Variants in LRRC53 observed in about 807,000 individuals in gnomAD.
LRRC53 encodes the protein leucine-rich repeat-containing protein 53.
In LRRC53, 25 loss-of-function variants were observed where a neutral mutation model predicts 13.6. The ratio of observed to expected loss-of-function variants is 1.83; its 90% CI spans 1.34 to 2.56. The LOEUF (loss-of-function observed/expected upper bound fraction) is 2.56, where lower values mean the gene tolerates loss of function less well. Ranked by LOEUF, LRRC53 falls within the 30% of genes most tolerant of loss-of-function variation. LRRC53 has a pLI of 0.00. For synonymous variants in LRRC53, 204 were observed against 109.8 expected, an observed-to-expected ratio of 1.86 and a Z score of -5.37; for missense variants, 527 against 275.8, an observed-to-expected ratio of 1.91 and a Z score of -6.45.
At chr1:74,528,383 G>A in the LRRC53 span, among the ~76,000 whole-genome samples, 2,249 of 152,214 alleles carry the variant, frequency 0.015, 49 homozygotes, top group African/African-American at 0.05. Flanking sequence ...GGGCAGGCAG[G>A]TGGGGAATAG....
At chr1:74,483,165 A>T (rs1668587506) in intron 2 of LRRC53, 97 bp downstream of exon 2, 1 of 658,640 alleles carries the variant, frequency 1.5e-6, no homozygotes, top group Non-Finnish European at 2.8e-6. Flanking sequence ...GTTACCTCTT[A>T]AGCTGAGCCC....
chr1:74,515,146 A>G (rs962361394), upstream of LRRC53, among the ~76,000 whole-genome samples: 5 of 152,082 alleles, frequency 3.3e-5, no homozygotes, highest in Non-Finnish European at 4.4e-5. Flanking sequence ...AACCTGCATA[A>G]CAGTGAAAGA....
intron 3 of LRRC53, among the ~76,000 whole-genome samples, chr1:74,476,125 T>G (rs1668194470): frequency 6.6e-6 from 1 of 152,166 alleles, no homozygotes; most frequent in South Asian, 2.1e-4. Flanking sequence ...TAACATTATT[T>G]TTTCGGTCTA....
At chr1:74,482,209 C>G (rs1303913285) in intron 2 of LRRC53, among the ~76,000 whole-genome samples, 2 of 152,168 alleles carry the variant, frequency 1.3e-5, no homozygotes, top group Non-Finnish European at 2.9e-5. Context: ...GCTATTATTT[C>G]TGTCAATTAC....
chr1:74,501,648 G>A (rs1294009010), intron 1 of LRRC53, among the ~76,000 whole-genome samples: 2 of 151,896 alleles, frequency 1.3e-5, no homozygotes, highest in Non-Finnish European at 2.9e-5. Flanking sequence ...TACCACGCCC[G>A]GGTAATTTTT....
intron 1 of LRRC53, among the ~76,000 whole-genome samples, chr1:74,500,331 A>C (rs930712581): frequency 1.3e-5 from 2 of 152,076 alleles, no homozygotes; most frequent in East Asian, 3.9e-4. Flanking sequence ...CTTTTCCATA[A>C]ATGCACCTTT....
At chr1:74,497,933 G>A (rs142656308) in intron 1 of LRRC53, among the ~76,000 whole-genome samples, 20 of 152,120 alleles carry the variant, frequency 1.3e-4, no homozygotes, top group Admixed American at 3.9e-4. Flanking sequence ...TGATACTGTC[G>A]CTCTCTCTCT....
At chr1:74,530,827 C>T in the LRRC53 span, among the ~76,000 whole-genome samples, 1 of 151,418 alleles carries the variant, frequency 6.6e-6, no homozygotes, top group Non-Finnish European at 1.5e-5. Flanking sequence ...CATGCAAAGT[C>T]TGCCTCTTAA....
At chr1:74,516,412 C>A (rs967046975), upstream of LRRC53, among the ~76,000 whole-genome samples, 3 of 152,080 alleles carry the variant, frequency 2.0e-5, no homozygotes, top group Non-Finnish European at 2.9e-5. Context: ...GTCAGGAAGG[C>A]AATATCAAAT....
the LRRC53 span, among the ~76,000 whole-genome samples, chr1:74,523,855 A>G: frequency 8.5e-5 from 13 of 152,136 alleles, no homozygotes; most frequent in African/African-American, 2.7e-4. Context: ...TACATGTGCC[A>G]TGGTGGTTTG....
chr1:74,477,153 TA>T (rs1668244994), intron 3 of LRRC53, among the ~76,000 whole-genome samples: 1 of 152,174 alleles, frequency 6.6e-6, no homozygotes, highest in African/African-American at 2.4e-5. Flanking sequence ...ATTTTGGTTT[TA>T]AAATGTTAAA....
At chr1:74,509,619 G>A (rs1034427914) in intron 1 of LRRC53, among the ~76,000 whole-genome samples, 1 of 151,974 alleles carries the variant, frequency 6.6e-6, no homozygotes, top group African/African-American at 2.4e-5. Flanking sequence ...TAAAATTGAG[G>A]ACAAAGCACC....
At chr1:74,529,769 G>T in the LRRC53 span, among the ~76,000 whole-genome samples, 3 of 152,106 alleles carry the variant, frequency 2.0e-5, no homozygotes, top group East Asian at 5.8e-4. Flanking sequence ...TAAATGAAAA[G>T]TTTTTTTAAG....
chr1:74,498,853 T>A (rs1210678662), intron 1 of LRRC53, among the ~76,000 whole-genome samples: 3 of 152,122 alleles, frequency 2.0e-5, no homozygotes, highest in South Asian at 4.1e-4. Context: ...GTGTGTTTTT[T>A]AAAAAAAATT....
intron 4 of LRRC53, 29 bp from the exon 5 acceptor site, chr1:74,472,230 C>T (rs1667971992): frequency 1.4e-6 from 1 of 714,522 alleles, no homozygotes; most frequent in Non-Finnish European, 2.6e-6. Context: ...AAGAATTTAG[C>T]ACTTAGCAGA....
the LRRC53 span, among the ~76,000 whole-genome samples, chr1:74,528,278 G>T: frequency 2.0e-5 from 3 of 152,284 alleles, no homozygotes; most frequent in African/African-American, 7.2e-5. Context: ...AGTGCAAGGG[G>T]CTGGAGCCTG....
chr1:74,537,066 A>G, the LRRC53 span, among the ~76,000 whole-genome samples: 18 of 152,176 alleles, frequency 1.2e-4, no homozygotes, highest in African/African-American at 4.3e-4. Flanking sequence ...GAGCCAGCCT[A>G]TGTGGTATCT....
chr1:74,497,853 T>G (rs1669409681), intron 1 of LRRC53, among the ~76,000 whole-genome samples: 1 of 152,202 alleles, frequency 6.6e-6, no homozygotes, highest in Non-Finnish European at 1.5e-5. Flanking sequence ...GGAGTCCAAT[T>G]GATTCAGGAG....
the LRRC53 span, among the ~76,000 whole-genome samples, chr1:74,533,955 G>T: frequency 6.6e-6 from 1 of 152,168 alleles, no homozygotes; most frequent in Non-Finnish European, 1.5e-5. Flanking sequence ...TTCAGTTTCT[G>T]CCTCTGGCTA....
Sources: gnomAD v4.1 joint callset for allele counts (sites outside exome capture counted in the v4.1 genomes callset) on GRCh38, gnomAD v4.1.1 for gene constraint, MANE v1.5 for transcripts, NCBI Gene and HGNC (gene_info 2026-07-23, HGNC 2026-07-21) for gene names.